LRPPRC: variants seen among roughly 807,000 people sequenced by gnomAD.
LRPPRC encodes leucine-rich PPR motif-containing protein, mitochondrial.
In LRPPRC, 120 loss-of-function variants were observed where a neutral mutation model predicts 180.3. The ratio of observed to expected loss-of-function variants is 0.67; its 90% confidence interval spans 0.57 to 0.77. LRPPRC has a LOEUF of 0.77. LRPPRC is among the 30% of genes least tolerant of loss of function. The pLI, the probability that LRPPRC is intolerant of heterozygous loss-of-function variation, is 0.00. For synonymous variants in LRPPRC, 723 were observed against 600.0 expected, an observed-to-expected ratio of 1.21 and a Z score of -3.00; for missense variants, 2,012 against 1,657.2, an observed-to-expected ratio of 1.21 and a Z score of -3.72.
At chr2:43,953,152 G>A (rs768820118) in intron 14 of LRPPRC, among the ~76,000 whole-genome samples, 2 of 152,070 alleles carry the variant, frequency 1.3e-5, no homozygotes, top group Non-Finnish European at 1.5e-5. Flanking sequence ...TTTCTCTGCA[G>A]CCCCTGCCCT....
Position 43,963,599 on chromosome 2 carries a change from C to A in LRPPRC, c.1477G>T (p.Ala493Ser). Residue 493 changes from alanine to serine, a missense_variant, in exon 12 of 38, where the codon GCC becomes TCC. Physicochemically the swap from Ala to Ser is moderately conservative, Grantham distance 99. Transcript: ENST00000260665. ...ACACTTGTACTCACCTGCAAAATGG[C>A]TCGTGCTGAGTTTACACTATCAAAG... ...PCFDSVNSAR[A>S]ILQENGCLSD... 6.3e-7 allele frequency: 1 copy of A among 1,593,024 alleles called. No homozygotes were observed. The highest frequency in any genetic ancestry group is 8.6e-7 in the Non-Finnish European group (1 of 1,160,984).
intron 31 of LRPPRC, chr2:43,903,612 G>C (rs890198104): frequency 6.6e-6 from 1 of 152,380 alleles, no homozygotes; most frequent in Non-Finnish European, 1.5e-5. Context: ...TGCAGGAACA[G>C]TGCGCTCGAG....
chr2:43,976,328 T>G (rs1385724120), intron 5 of LRPPRC, 99 bp from the exon 6 acceptor site: 5 of 718,252 alleles, frequency 7.0e-6, no homozygotes, highest in Non-Finnish European at 1.2e-5. Flanking sequence ...GTTTTTAAAA[T>G]ATAATAGTAA....
At chr2:43,991,674 T>A (rs532264013) in intron 1 of LRPPRC, among the ~76,000 whole-genome samples, 2 of 152,288 alleles carry the variant, frequency 1.3e-5, no homozygotes, top group South Asian at 4.1e-4. Flanking sequence ...CCAGAAAGCA[T>A]CTATTTGAAA....
At chr2:43,971,756 T>A (rs577263081) in intron 11 of LRPPRC, among the ~76,000 whole-genome samples, 2 of 152,146 alleles carry the variant, frequency 1.3e-5, no homozygotes, top group South Asian at 4.1e-4. Flanking sequence ...AATGTTACTT[T>A]CTTACCTTAC....
In LRPPRC at chr2:43,973,865, T is replaced by C; in HGVS notation, c.1191A>G (p.Leu397=). The C allele has an allele frequency of 1.2e-6, 2 of 1,613,410 alleles. No individual in the cohort carries two copies. Among genetic ancestry groups the C allele is most frequent in the Non-Finnish European group, 1.7e-6 (2 of 1,179,458 alleles). The change falls in exon 10 of 38, where the codon TTA becomes TTG. Residue 397 remains leucine, a synonymous_variant. Transcript: ENST00000260665. ...VEKLTDYCKK[L]KEVQMHSFPL... is the part of the protein sequence containing the mutation. ...GAAAGGAGTGCATCTGGACTTCCTT[T>C]AACTTCTTACAGTAGTCTGTTAGCT...
At chr2:43,960,439 A>C in intron 13 of LRPPRC, 102 bp downstream of exon 13, 1 of 764,068 alleles carries the variant, frequency 1.3e-6, no homozygotes, top group Admixed American at 1.8e-5. Context: ...TTAACAAAAC[A>C]TATAAACCTT....
At chr2:43,909,493 A>AT (rs1671181058) in intron 30 of LRPPRC, among the ~76,000 whole-genome samples, 1 of 152,184 alleles carries the variant, frequency 6.6e-6, no homozygotes, top group Non-Finnish European at 1.5e-5. Context: ...GTTATGGAAC[A>AT]TAAGTAAGTT....
At chr2:43,971,484 G>GGAAAAAAAA (rs1673801951) in intron 11 of LRPPRC, among the ~76,000 whole-genome samples, 1 of 4,778 alleles carries the variant, frequency 2.1e-4, no homozygotes, top group Non-Finnish European at 5.5e-4. Context: ...CTGTGTCACA[G>GGAAAAAAAA]TAAAAAAAAA....
intron 1 of LRPPRC, among the ~76,000 whole-genome samples, chr2:43,986,649 A>G (rs1674538457): frequency 6.6e-6 from 1 of 152,216 alleles, no homozygotes; most frequent in African/African-American, 2.4e-5. Context: ...ACTTGCCCAA[A>G]GTCATCACAG....
intron 23 of LRPPRC, among the ~76,000 whole-genome samples, chr2:43,939,631 G>A (rs1237952653): frequency 6.6e-6 from 1 of 152,186 alleles, no homozygotes; most frequent in Non-Finnish European, 1.5e-5. Context: ...TCTGTTAAGA[G>A]AACCAGCACT....
At position 43,889,710 on chromosome 2, in the gene LRPPRC, T is replaced by C. The variant is rs769769925; in HGVS notation, c.4128+24A>G. 477 of 1,585,752 alleles carry C rather than the reference T, an allele frequency of 3.0e-4. 7 individuals are homozygous for C. The South Asian group carries it at 4.0e-3, about 13-fold the overall frequency. The stretch of plus-strand genomic sequence containing the variant: ...CACATAAATCTGCAGAGGTATTTTT[T>C]CCCCTTAATTAAGAAATACTCACAG... On this transcript the variant is annotated intron_variant, in intron 37 of 37. Transcript: ENST00000260665.
rs557957190 is a variant in LRPPRC at position 43,915,112 on chromosome 2, C to A, written c.3149-2554G>T. Among the ~76,000 whole-genome samples, 8 of 148,762 alleles carry A rather than the reference C, an allele frequency of 5.4e-5. 1 individual carries two copies. The East Asian group carries it at 1.6e-3, about 30-fold the overall frequency. ...AGGCATGGTGGTGGGTGCCTATAAT[C>A]CCAGCTACTTGGGAGGCAGGAGAAT... On this transcript the variant is annotated intron_variant, in intron 29 of 37. Coordinates refer to ENST00000260665, the MANE Select transcript of LRPPRC (RefSeq NM_133259.4).
At chr2:43,913,384 G>A (rs929910209) in intron 29 of LRPPRC, among the ~76,000 whole-genome samples, 6 of 152,226 alleles carry the variant, frequency 3.9e-5, no homozygotes, top group African/African-American at 1.2e-4. Flanking sequence ...TATCACGTAC[G>A]GCCTTCTACG....
chr2:43,913,330 T>C (rs1016342604), intron 29 of LRPPRC, among the ~76,000 whole-genome samples: 1 of 152,164 alleles, frequency 6.6e-6, no homozygotes, highest in Admixed American at 6.5e-5. Flanking sequence ...TCTACTCCCT[T>C]CTGTGGATAA....
intron 36 of LRPPRC, chr2:43,890,319 A>C (rs973969828): frequency 2.1e-6 from 1 of 468,406 alleles, no homozygotes; most frequent in Non-Finnish European, 4.4e-6. Flanking sequence ...ATCTACATCA[A>C]CATCAAGATC....
chr2:43,918,850 GAT>G (rs1331035452), intron 27 of LRPPRC, among the ~76,000 whole-genome samples: 18 of 146,658 alleles, frequency 1.2e-4, no homozygotes, highest in South Asian at 4.3e-4. Context: ...TATATATAGA[GAT>G]ATATATATAG....
chr2:43,912,541 G>A lies in LRPPRC; in HGVS notation c.3166C>T (p.Leu1056=), dbSNP rs753159600. 1 of 1,609,416 alleles carries A rather than the reference G, an allele frequency of 6.2e-7. No homozygotes were observed. The highest frequency in any genetic ancestry group is 1.1e-5 in the South Asian group (1 of 90,954). The change falls in exon 30 of 38, where the codon CTG becomes TTG. Residue 1056 remains leucine (L), a synonymous_variant. Coordinates refer to ENST00000260665, the MANE Select transcript of LRPPRC (RefSeq NM_133259.4). ...NQKKGAYDIF[L]NAKEQNIVFN... is the part of the protein sequence containing the mutation. Reference sequence around the variant, plus strand: ...ACAATGTTTTGCTCTTTTGCATTCAGGAAAATATCATATGCCCCTATGAGA... The same window carrying A: ...ACAATGTTTTGCTCTTTTGCATTCAAGAAAATATCATATGCCCCTATGAGA...
intron 16 of LRPPRC, among the ~76,000 whole-genome samples, chr2:43,948,881 G>GTT (rs369333710): frequency 4.1e-5 from 6 of 146,432 alleles, no homozygotes; most frequent in African/African-American, 1.5e-4. Context: ...TTTCTATACT[G>GTT]TTTTTTTTTT....
Sources: allele counts gnomAD v4.1 joint callset (sites outside exome capture counted in the v4.1 genomes callset), GRCh38; gene constraint gnomAD v4.1.1; transcripts MANE v1.5; gene names NCBI Gene and HGNC (gene_info 2026-07-23, HGNC 2026-07-21).